Variants in NCEH1 observed in about 807,000 individuals in gnomAD.
NCEH1 encodes 2-acetyl MAGE hydrolase.
A neutral mutation model predicts 25.4 loss-of-function variants in NCEH1; 9 were observed. That is an observed-to-expected ratio of 0.35 (90% confidence interval 0.21 to 0.62). The LOEUF is 0.62. NCEH1 is among the 20% of genes least tolerant of loss of function. The pLI is 0.72. For missense variants in NCEH1, 412 were observed against 501.1 expected, an observed-to-expected ratio of 0.82 and a Z score of 1.70; for synonymous variants, 200 against 199.8, an observed-to-expected ratio of 1.00 and a Z score of -0.01.
At chr3:172,703,573 A>G (rs1713820795) in intron 1 of NCEH1, among the ~76,000 whole-genome samples, 1 of 151,464 alleles carries the variant, frequency 6.6e-6, no homozygotes. Flanking sequence ...TTAAAATGCT[A>G]TTTTAAAAGA....
intron 1 of NCEH1, among the ~76,000 whole-genome samples, chr3:172,672,829 G>T (rs948361038): frequency 6.6e-6 from 1 of 152,174 alleles, no homozygotes; most frequent in Non-Finnish European, 1.5e-5. Context: ...TTTTAAAGAG[G>T]AATGCCCAGG....
intron 1 of NCEH1, chr3:172,680,674 CCCCT>C (rs1316110634): frequency 2.1e-5 from 3 of 142,510 alleles, no homozygotes; most frequent in African/African-American, 5.9e-5. Context: ...CAGGCCCCCC[CCCCT>C]CCATCAGCCA....
At chr3:172,709,908 G>A (rs1216551342) in intron 1 of NCEH1, among the ~76,000 whole-genome samples, 2 of 152,158 alleles carry the variant, frequency 1.3e-5, no homozygotes, top group Non-Finnish European at 2.9e-5. Context: ...TTTAGATAGA[G>A]CAGGCTGCTC....
intron 1 of NCEH1, among the ~76,000 whole-genome samples, chr3:172,666,612 C>T (rs572936860): frequency 2.6e-5 from 4 of 152,270 alleles, no homozygotes; most frequent in African/African-American, 9.6e-5. Flanking sequence ...AGACCAAGGA[C>T]CCTGGTGTTC....
At chr3:172,648,181 C>G (rs1269083364) in intron 1 of NCEH1, 67 bp from the exon 2 acceptor site, 1 of 1,573,522 alleles carries the variant, frequency 6.4e-7, no homozygotes, top group Non-Finnish European at 8.7e-7. Context: ...GAGCTGCCCT[C>G]ACCAACTGAG....
intron 1 of NCEH1, among the ~76,000 whole-genome samples, chr3:172,685,592 T>A (rs1712651570): frequency 6.6e-6 from 1 of 152,254 alleles, no homozygotes; most frequent in Non-Finnish European, 1.5e-5. Context: ...TACTTCAAGA[T>A]TCTTTCATTA....
chr3:172,648,445 T>C (rs1717234285), intron 1 of NCEH1, among the ~76,000 whole-genome samples: 1 of 152,268 alleles, frequency 6.6e-6, no homozygotes, highest in South Asian at 2.1e-4. Context: ...GTACCTTTTT[T>C]TTCTAAATAA....
intron 1 of NCEH1, among the ~76,000 whole-genome samples, chr3:172,696,740 G>T (rs1346130097): frequency 6.6e-6 from 1 of 152,124 alleles, no homozygotes; most frequent in African/African-American, 2.4e-5. Flanking sequence ...TCAGTTTCAT[G>T]AGGTGTTTTG....
intron 1 of NCEH1, among the ~76,000 whole-genome samples, chr3:172,704,381 A>C (rs1033141654): frequency 3.9e-5 from 6 of 152,238 alleles, no homozygotes; most frequent in African/African-American, 1.4e-4. Context: ...AGTAAGTTAG[A>C]AAATAATCAA....
At position 172,670,834 on chromosome 3, in the gene NCEH1, C is replaced by T. The variant is rs75206739; in HGVS notation, c.139-22720G>A. Among the ~76,000 whole-genome samples the T allele has an allele frequency of 3.8e-3, 575 of 152,018 alleles. 7 individuals are homozygous for T. Among genetic ancestry groups the T allele is most frequent in the African/African-American group, 0.013 (549 of 41,462 alleles). Reference sequence around the variant, plus strand: ...TGAGGGCTTTTAAAAGAACCAAAAACCTATTTTATGAAAATTTCATATTTA... The same window carrying T: ...TGAGGGCTTTTAAAAGAACCAAAAATCTATTTTATGAAAATTTCATATTTA... On this transcript the variant is annotated intron_variant, in intron 1 of 4. Coordinates refer to ENST00000475381, the MANE Select transcript of NCEH1 (RefSeq NM_020792.6).
At chr3:172,684,593 G>A (rs1349330500) in intron 1 of NCEH1, among the ~76,000 whole-genome samples, 2 of 152,196 alleles carry the variant, frequency 1.3e-5, no homozygotes, top group African/African-American at 4.8e-5. Context: ...ACTGACATAA[G>A]GAGCCAATCG....
At position 172,682,437 on chromosome 3, in the gene NCEH1, G is replaced by C. The variant is rs147164808; in HGVS notation, c.138+28410C>G. Reference sequence around the variant, plus strand: ...TGTTACGTATAAGTCCTGGGTCTGGGGGGGTAATGGTACAGGGATTCACCA... The same window carrying C: ...TGTTACGTATAAGTCCTGGGTCTGGCGGGGTAATGGTACAGGGATTCACCA... On this transcript the variant is annotated intron_variant, in intron 1 of 4. Transcript: ENST00000475381. Among the ~76,000 whole-genome samples, 427 of 152,280 alleles carry C rather than the reference G, an allele frequency of 2.8e-3. 4 individuals carry two copies. The highest frequency in any genetic ancestry group is 9.7e-3 in the African/African-American group (404 of 41,552).
In NCEH1 at chr3:172,631,256, AT is replaced by A. The variant is rs1431809815; in HGVS notation, c.*2218del. 2 of 152,070 alleles carry A rather than the reference AT, an allele frequency of 1.3e-5. No individual in the cohort carries two copies. Among genetic ancestry groups the A allele is most frequent in the African/African-American group, 2.4e-5 (1 of 41,416 alleles). 9.4% of individuals were successfully genotyped at this position (152,070 alleles called of 1,614,324 possible). A position where few individuals can be genotyped will look rare whatever the true frequency, so the allele number is the denominator to read the frequency against. ...TGAAGGAACCCTGCCTATACATTTTATTTTCTTTTTCTTCGAGACAGACAAC... is the reference window on the plus strand; with the variant it reads ...TGAAGGAACCCTGCCTATACATTTTATTTCTTTTTCTTCGAGACAGACAAC... On this transcript the variant is annotated 3_prime_UTR_variant, in exon 5 of 5. Transcript: ENST00000475381.
intron 3 of NCEH1, among the ~76,000 whole-genome samples, chr3:172,639,102 C>T (rs529063872): frequency 4.5e-4 from 68 of 152,194 alleles, no homozygotes; most frequent in African/African-American, 1.6e-3. Flanking sequence ...AGATCGAGAC[C>T]ATCCTGGCCA....
chr3:172,667,107 G>C (rs1718247161), intron 1 of NCEH1, among the ~76,000 whole-genome samples: 1 of 152,176 alleles, frequency 6.6e-6, no homozygotes, highest in Admixed American at 6.5e-5. Context: ...CAGGCTCTAG[G>C]CTACTTGTGT....
intron 1 of NCEH1, among the ~76,000 whole-genome samples, chr3:172,659,527 T>G (rs1015497343): frequency 1.3e-5 from 2 of 152,118 alleles, no homozygotes; most frequent in African/African-American, 4.8e-5. Flanking sequence ...GCACCCTCCT[T>G]GGTGTCTGTG....
At chr3:172,655,874 C>A (rs2160805) in intron 1 of NCEH1, among the ~76,000 whole-genome samples, 1 of 151,750 alleles carries the variant, frequency 6.6e-6, no homozygotes. Context: ...AGCTGGTGAG[C>A]AGGACAGGAA....
At chr3:172,681,377 G>A (rs1362382260) in intron 1 of NCEH1, among the ~76,000 whole-genome samples, 2 of 152,164 alleles carry the variant, frequency 1.3e-5, no homozygotes, top group Admixed American at 1.3e-4. Context: ...AAGGCAATCA[G>A]ATCCTGTCTT....
chr3:172,652,291 T>C (rs1212526935), intron 1 of NCEH1, among the ~76,000 whole-genome samples: 1 of 152,208 alleles, frequency 6.6e-6, no homozygotes, highest in African/African-American at 2.4e-5. Context: ...CCTAAGACAA[T>C]CTGTCTTTTC....
Sources: allele counts gnomAD v4.1 joint callset (sites outside exome capture counted in the v4.1 genomes callset), GRCh38; gene constraint gnomAD v4.1.1; transcripts MANE v1.5; gene names NCBI Gene and HGNC (gene_info 2026-07-23, HGNC 2026-07-21).